The following NKAIN3 variants were observed in gnomAD, a reference collection of about 807,000 sequenced individuals.
NKAIN3 encodes sodium/potassium transporting ATPase interacting 3.
In NKAIN3, 25 loss-of-function variants were observed where a neutral mutation model predicts 30.2. The observed-to-expected ratio is 0.83, with a 90% CI of 0.60 to 1.16. The LOEUF is 1.16. Among genes scored for constraint, NKAIN3 ranks in the 50% most tolerant of loss-of-function variants. NKAIN3 has a pLI of 0.00. For missense variants in NKAIN3, 225 were observed against 254.1 expected (o/e 0.89, Z 0.78); for synonymous variants, 91 against 89.6 (o/e 1.02, Z -0.09).
At chr8:62,757,020 G>C (rs552815373) in intron 4 of NKAIN3, among the ~76,000 whole-genome samples, 3 of 151,984 alleles carry the variant, frequency 2.0e-5, no homozygotes, top group African/African-American at 7.3e-5. Flanking sequence ...CTTAAATATT[G>C]TTTCATCAGA....
At chr8:62,652,242 T>C (rs1314122935) in intron 3 of NKAIN3, among the ~76,000 whole-genome samples, 1 of 152,162 alleles carries the variant, frequency 6.6e-6, no homozygotes, top group Non-Finnish European at 1.5e-5. Context: ...AGAGAACTAT[T>C]ACTTGGCAAT....
intron 4 of NKAIN3, among the ~76,000 whole-genome samples, chr8:62,897,101 C>T (rs748533166): frequency 2.6e-5 from 4 of 151,958 alleles, no homozygotes; most frequent in African/African-American, 4.8e-5. Flanking sequence ...AATAGAGCAA[C>T]AGAAAAATCT....
At chr8:62,785,591 A>G (rs1477210191) in intron 4 of NKAIN3, among the ~76,000 whole-genome samples, 1 of 152,142 alleles carries the variant, frequency 6.6e-6, no homozygotes, top group Non-Finnish European at 1.5e-5. Context: ...ATGCTATGTG[A>G]ATATATCATA....
intron 1 of NKAIN3, among the ~76,000 whole-genome samples, chr8:62,352,601 C>T (rs551926123): frequency 2.5e-4 from 38 of 152,174 alleles, no homozygotes; most frequent in Middle Eastern, 3.4e-3. Flanking sequence ...GCCTTCTCCC[C>T]GCAACATTAA....
At chr8:62,463,118 TTTAGAGGGA>T (rs1806047297) in intron 1 of NKAIN3, among the ~76,000 whole-genome samples, 2 of 152,176 alleles carry the variant, frequency 1.3e-5, no homozygotes, top group South Asian at 4.1e-4. Flanking sequence ...TTTTAAGCTG[TTTAGAGGGA>T]GGGTTGGCAT....
chr8:62,866,323 A>T (rs184714151), intron 4 of NKAIN3, among the ~76,000 whole-genome samples: 2 of 152,344 alleles, frequency 1.3e-5, no homozygotes, highest in African/African-American at 4.8e-5. Context: ...AGTGGGCAGA[A>T]TTCTCCTCAC....
At chr8:62,388,389 A>C (rs1485440956) in intron 1 of NKAIN3, among the ~76,000 whole-genome samples, 1 of 152,240 alleles carries the variant, frequency 6.6e-6, no homozygotes, top group East Asian at 1.9e-4. Flanking sequence ...TATTTGAAGC[A>C]TGGATTTATT....
intron 4 of NKAIN3, among the ~76,000 whole-genome samples, chr8:62,776,442 C>T (rs563807313): frequency 6.6e-6 from 1 of 152,040 alleles, no homozygotes; most frequent in African/African-American, 2.4e-5. Context: ...GTGTGCATTT[C>T]TATTGTATGT....
At chr8:62,370,696 T>C (rs1291588757) in intron 1 of NKAIN3, among the ~76,000 whole-genome samples, 2 of 152,160 alleles carry the variant, frequency 1.3e-5, no homozygotes, top group East Asian at 3.9e-4. Flanking sequence ...GCACTACCTA[T>C]TGTATTAAAA....
chr8:62,992,407 A>G (rs983106502), intron 5 of NKAIN3, among the ~76,000 whole-genome samples: 3 of 152,026 alleles, frequency 2.0e-5, no homozygotes, highest in Admixed American at 2.0e-4. Flanking sequence ...CTTTAGTGCC[A>G]GTTCTACTAT....
intron 3 of NKAIN3, among the ~76,000 whole-genome samples, chr8:62,684,909 C>T (rs990093833): frequency 6.6e-6 from 1 of 152,136 alleles, no homozygotes; most frequent in African/African-American, 2.4e-5. Flanking sequence ...GCCCTGTCTA[C>T]TCCTTGATTT....
chr8:62,567,104 A>G (rs974911788), intron 1 of NKAIN3, among the ~76,000 whole-genome samples: 2 of 152,158 alleles, frequency 1.3e-5, no homozygotes, highest in Non-Finnish European at 2.9e-5. Context: ...ATTTTGAATT[A>G]TAATGCTACT....
intron 3 of NKAIN3, among the ~76,000 whole-genome samples, chr8:62,720,136 G>A (rs1399326394): frequency 1.3e-5 from 2 of 152,104 alleles, no homozygotes; most frequent in Non-Finnish European, 2.9e-5. Flanking sequence ...GTAGGATTGT[G>A]TCAAAATGAA....
intron 5 of NKAIN3, chr8:62,990,285 C>T: frequency 2.7e-6 from 4 of 1,472,038 alleles, no homozygotes; most frequent in Non-Finnish European, 3.6e-6. Flanking sequence ...GCCTCATGTG[C>T]TTCCTAAGAA....
chr8:62,337,420 T>A (rs2351948), intron 1 of NKAIN3, among the ~76,000 whole-genome samples: 151,978 of 152,022 alleles, frequency 1, 75,967 homozygotes, highest in Middle Eastern at 1. Flanking sequence ...GAAAGCAATT[T>A]TCTGGAGCAT....
chr8:62,331,062 CCTCTCT>C (rs60036306), intron 1 of NKAIN3, among the ~76,000 whole-genome samples: 3 of 144,406 alleles, frequency 2.1e-5, no homozygotes, highest in Admixed American at 1.4e-4. Context: ...ACCTCCTCCT[CCTCTCT>C]CTCTCTCTCT....
intron 3 of NKAIN3, among the ~76,000 whole-genome samples, chr8:62,619,840 A>G (rs1249171803): frequency 1.3e-5 from 2 of 152,162 alleles, no homozygotes; most frequent in East Asian, 3.9e-4. Flanking sequence ...GATGTCCAAA[A>G]CAACAATCAA....
At chr8:62,988,326 C>T (rs928224618), downstream of NKAIN3, among the ~76,000 whole-genome samples, 7 of 152,232 alleles carry the variant, frequency 4.6e-5, no homozygotes, top group Non-Finnish European at 8.8e-5. Context: ...TCAGTGGGCA[C>T]CTTGTGTGAG....
intron 1 of NKAIN3, among the ~76,000 whole-genome samples, chr8:62,283,302 A>G (rs1197713198): frequency 3.3e-5 from 5 of 151,928 alleles, no homozygotes; most frequent in Admixed American, 6.6e-5. Context: ...GAGTTTCTAA[A>G]TATATTTGTG....
Sources: gnomAD v4.1 joint callset for allele counts (sites outside exome capture counted in the v4.1 genomes callset) on GRCh38, gnomAD v4.1.1 for gene constraint, MANE v1.5 for transcripts, NCBI Gene and HGNC (gene_info 2026-07-23, HGNC 2026-07-21) for gene names.